PPEF2: variants seen among roughly 807,000 people sequenced by gnomAD.
PPEF2 encodes protein phosphatase with EF-hand domain 2.
In PPEF2, 84 loss-of-function variants were observed where a neutral mutation model predicts 84.7. The ratio of observed to expected loss-of-function variants is 0.99; its 90% CI spans 0.83 to 1.19. The LOEUF (loss-of-function observed/expected upper bound fraction) is 1.19. Among genes scored for constraint, PPEF2 ranks in the 50% most tolerant of loss-of-function variants. PPEF2 has a pLI of 0.00. For synonymous variants in PPEF2, 346 were observed against 345.2 expected (o/e 1.00, Z -0.03); for missense variants, 924 against 937.5 (o/e 0.99, Z 0.19).
At chr4:75,885,698 T>C (rs1724701887) in intron 7 of PPEF2, among the ~76,000 whole-genome samples, 1 of 152,158 alleles carries the variant, frequency 6.6e-6, no homozygotes, top group Admixed American at 6.5e-5. Context: ...ACCCCGTCTC[T>C]ATAAAAAATA....
chr4:75,895,127 A>ATTTTTTTTTTT (rs34515110), intron 2 of PPEF2, among the ~76,000 whole-genome samples: 3 of 129,262 alleles, frequency 2.3e-5, no homozygotes, highest in Admixed American at 8.1e-5. Flanking sequence ...CAGCTAATTA[A>ATTTTTTTTTTT]TTTTTTTTTT....
At chr4:75,901,976 T>A (rs1379453051) in intron 1 of PPEF2, among the ~76,000 whole-genome samples, 1 of 151,984 alleles carries the variant, frequency 6.6e-6, no homozygotes, top group Non-Finnish European at 1.5e-5. Flanking sequence ...ACTCTGTCTC[T>A]TAGGTGGAAA....
At chr4:75,865,463 C>G (rs1724104296) in intron 15 of PPEF2, among the ~76,000 whole-genome samples, 1 of 152,138 alleles carries the variant, frequency 6.6e-6, no homozygotes, top group African/African-American at 2.4e-5. Flanking sequence ...TCTTGGCTCA[C>G]TGCAACCTCT....
chr4:75,880,579 A>G (rs1382832314), intron 10 of PPEF2, among the ~76,000 whole-genome samples: 1 of 152,140 alleles, frequency 6.6e-6, no homozygotes, highest in Non-Finnish European at 1.5e-5. Context: ...CCATGAGATA[A>G]TTTGCTCTAC....
intron 13 of PPEF2, among the ~76,000 whole-genome samples, chr4:75,870,718 A>T (rs1724247956): frequency 6.6e-6 from 1 of 152,184 alleles, no homozygotes; most frequent in Non-Finnish European, 1.5e-5. Flanking sequence ...CACAGGTCAG[A>T]TGATTTAACA....
chr4:75,876,673 T>A lies in PPEF2; in HGVS notation c.934A>T (p.Ile312Leu), dbSNP rs1295340302. The A allele has an allele frequency of 6.5e-7, 1 of 1,532,942 alleles. No individual in the cohort carries two copies. Among genetic ancestry groups the A allele is most frequent in the Non-Finnish European group, 8.8e-7 (1 of 1,139,914 alleles). The allele number at this position is 1,532,942 out of a possible 1,614,324, so 95.0% of individuals were successfully genotyped here. Reference sequence around the variant, plus strand: ...GTTTTGCACCTCATGGTGGAAACTATCTAAACACGTCCAGAAAGAGATACA... The same window carrying A: ...GTTTTGCACCTCATGGTGGAAACTAACTAAACACGTCCAGAAAGAGATACA... ...ELLDKIERSK[I>L]VSTMRCKTRQ... is the part of the protein sequence containing the mutation. The change falls in exon 11 of 17, where the codon ATA becomes TTA. Residue 312 changes from isoleucine (I) to leucine (L), a missense_variant and splice_region_variant. Ile to Leu is a conservative substitution (Grantham distance 5). Transcript: ENST00000286719.
intron 16 of PPEF2, among the ~76,000 whole-genome samples, chr4:75,864,046 T>G (rs1724070945): frequency 6.6e-6 from 1 of 151,932 alleles, no homozygotes; most frequent in Non-Finnish European, 1.5e-5. Context: ...CTAATTTTTG[T>G]GTTTTTAGTA....
intron 16 of PPEF2, among the ~76,000 whole-genome samples, chr4:75,861,679 A>T (rs1190302591): frequency 7.8e-6 from 1 of 127,818 alleles, no homozygotes; most frequent in Non-Finnish European, 1.6e-5. Flanking sequence ...GCACAATCTC[A>T]GCTCACTACA....
At chr4:75,898,811 G>A (rs1725062617) in intron 1 of PPEF2, among the ~76,000 whole-genome samples, 1 of 151,976 alleles carries the variant, frequency 6.6e-6, no homozygotes, top group African/African-American at 2.4e-5. Flanking sequence ...TCAAAGCATA[G>A]TAATTGGCAT....
Position 75,886,870 on chromosome 4 carries a change from T to C in PPEF2, c.561A>G (p.Leu187=), listed in dbSNP as rs754886615. The C allele has an allele frequency of 1.3e-6, 2 of 1,500,766 alleles. No homozygotes were observed. Among genetic ancestry groups the C allele is most frequent in the Non-Finnish European group, 1.8e-6 (2 of 1,095,340 alleles). 93.0% of individuals were successfully genotyped at this position (1,500,766 alleles called of 1,614,324 possible). A position where few individuals can be genotyped will look rare whatever the true frequency, so the allele number is the denominator to read the frequency against. Residue 187 remains leucine, a synonymous_variant, in exon 7 of 17, where the codon TTA becomes TTG. Transcript: ENST00000286719. ...TTCATACCTTATAAAATATAAAGATTAAGTCATCCAATTGGCCATGTAAGT... is the reference window on the plus strand; with the variant it reads ...TTCATACCTTATAAAATATAAAGATCAAGTCATCCAATTGGCCATGTAAGT... ...CGDLHGQLDD[L]IFIFYKNGLP...
At chr4:75,899,864 T>C in intron 1 of PPEF2, among the ~76,000 whole-genome samples, 1 of 152,164 alleles carries the variant, frequency 6.6e-6, no homozygotes, top group East Asian at 1.9e-4. Flanking sequence ...GACTCACAAG[T>C]TGCTTTGATA....
Position 75,864,434 on chromosome 4 carries a change from C to A in PPEF2, c.2008+6G>T. Reference sequence around the variant, plus strand: ...TCAAAAGTGATAGAATAATGAGTGCCTTTACCTGAATGATCACTGTCTATG... The same window carrying A: ...TCAAAAGTGATAGAATAATGAGTGCATTTACCTGAATGATCACTGTCTATG... On this transcript the variant is annotated splice_donor_region_variant and intron_variant, in intron 16 of 16. Coordinates refer to ENST00000286719, the MANE Select transcript of PPEF2 (RefSeq NM_006239.3). 6.3e-7 allele frequency: 1 copy of A among 1,587,674 alleles called. No individual in the cohort carries two copies. Among genetic ancestry groups the A allele is most frequent in the Non-Finnish European group, 8.6e-7 (1 of 1,156,178 alleles).
intron 11 of PPEF2, among the ~76,000 whole-genome samples, chr4:75,875,138 C>T (rs1724377296): frequency 6.6e-6 from 1 of 152,168 alleles, no homozygotes; most frequent in South Asian, 2.1e-4. Flanking sequence ...ATCTCCTGAC[C>T]TCGTGATCCG....
At chr4:75,888,127 C>T in intron 6 of PPEF2, 87 bp downstream of exon 6, 3 of 1,034,858 alleles carry the variant, frequency 2.9e-6, no homozygotes, top group Non-Finnish European at 4.5e-6. Context: ...CATCTCCCTG[C>T]AGCCCGCCAC....
intron 12 of PPEF2, 47 bp from the exon 13 acceptor site, chr4:75,872,214 A>G (rs1578003821): frequency 6.3e-7 from 1 of 1,578,862 alleles, no homozygotes; most frequent in South Asian, 1.1e-5. Flanking sequence ...CACTGAAGAA[A>G]CCTTCACCCT....
intron 5 of PPEF2, 116 bp from the exon 6 acceptor site, chr4:75,888,444 A>G (rs1339244979): frequency 4.4e-6 from 3 of 681,406 alleles, no homozygotes; most frequent in Non-Finnish European, 7.8e-6. Flanking sequence ...AAGTAACCCC[A>G]GTAAACTGCT....
At chr4:75,866,390 A>C (rs1578001002) in intron 14 of PPEF2, 38 bp from the exon 15 acceptor site, 1 of 1,606,012 alleles carries the variant, frequency 6.2e-7, no homozygotes, top group Non-Finnish European at 8.5e-7. Context: ...TGTCACCTAG[A>C]AGTCTAGTTT....
At chr4:75,892,604 C>G (rs1324433216) in intron 2 of PPEF2, among the ~76,000 whole-genome samples, 2 of 152,186 alleles carry the variant, frequency 1.3e-5, no homozygotes, top group East Asian at 3.9e-4. Flanking sequence ...CTTGCCATCC[C>G]CAGTTCCATG....
At chr4:75,885,451 C>T (rs965187021) in intron 7 of PPEF2, among the ~76,000 whole-genome samples, 1 of 152,120 alleles carries the variant, frequency 6.6e-6, no homozygotes, top group Admixed American at 6.6e-5. Context: ...CTGGCCCCTT[C>T]TAGTTATTAA....
Sources: allele counts gnomAD v4.1 joint callset (sites outside exome capture counted in the v4.1 genomes callset), GRCh38; gene constraint gnomAD v4.1.1; transcripts MANE v1.5; gene names NCBI Gene and HGNC (gene_info 2026-07-23, HGNC 2026-07-21).